The following PTPRO variants were observed in gnomAD, a reference collection of about 807,000 sequenced individuals.
PTPRO encodes the protein protein tyrosine phosphatase receptor type O, also known as receptor-type tyrosine-protein phosphatase O.
In PTPRO, 62 loss-of-function variants were observed where a neutral mutation model predicts 145.2. The observed-to-expected ratio is 0.43, with a 90% CI of 0.35 to 0.53. The LOEUF (loss-of-function observed/expected upper bound fraction) is 0.53. Among genes scored for constraint, PTPRO ranks in the 20% least tolerant of loss-of-function variants. The pLI is 0.01. For synonymous variants in PTPRO, 565 were observed against 514.7 expected (o/e 1.10, Z -1.32); for missense variants, 1,345 against 1,482.7 (o/e 0.91, Z 1.53).
intron 19 of PTPRO, among the ~76,000 whole-genome samples, chr12:15,572,505 T>G (rs1944077354): frequency 6.6e-6 from 1 of 152,266 alleles, no homozygotes; most frequent in Non-Finnish European, 1.5e-5. Flanking sequence ...TCATTTGTGT[T>G]ATTTCATTTT....
intron 2 of PTPRO, among the ~76,000 whole-genome samples, chr12:15,494,997 T>C (rs1942071819): frequency 6.6e-6 from 1 of 151,986 alleles, no homozygotes; most frequent in South Asian, 2.1e-4. Flanking sequence ...AAAAAAGAAC[T>C]TGAAGCAGTT....
Position 15,360,858 on chromosome 12 carries a change from G to A in PTPRO, c.75+38057G>A, listed in dbSNP as rs868011666. On this transcript the variant is annotated intron_variant, in intron 1 of 26. Coordinates refer to ENST00000281171, the MANE Select transcript of PTPRO (RefSeq NM_030667.3). ...TATATACGTGTGTATATATGTGTGTGTATATATGTGTGTATATACACACAT... is the reference window on the plus strand; with the variant it reads ...TATATACGTGTGTATATATGTGTGTATATATATGTGTGTATATACACACAT... Among the ~76,000 whole-genome samples the A allele has an allele frequency of 8.9e-4, 96 of 108,012 alleles. 3 individuals carry two copies. Among genetic ancestry groups the A allele is most frequent in the Middle Eastern group, 5.1e-3 (1 of 196 alleles). 70.9% of individuals were successfully genotyped at this position (108,012 alleles called of 152,430 possible).
chr12:15,514,590 G>A (rs1022407008), intron 7 of PTPRO, among the ~76,000 whole-genome samples: 26 of 151,910 alleles, frequency 1.7e-4, no homozygotes, highest in African/African-American at 6.0e-4. Context: ...TTAGCACAGT[G>A]ACTTGCCCAT....
At chr12:15,473,702 G>A (rs550369059) in intron 1 of PTPRO, among the ~76,000 whole-genome samples, 1 of 146,958 alleles carries the variant, frequency 6.8e-6, no homozygotes, top group Non-Finnish European at 1.5e-5. Context: ...AGGAGACAGA[G>A]GTTGCAGTGA....
chr12:15,366,260 A>G (rs185562849), intron 1 of PTPRO, among the ~76,000 whole-genome samples: 4 of 152,276 alleles, frequency 2.6e-5, no homozygotes, highest in Admixed American at 2.0e-4. Flanking sequence ...TGTTAGCCTA[A>G]TCTTTACTAT....
intron 24 of PTPRO, 154 bp downstream of exon 24, chr12:15,587,205 C>T (rs1479448412): frequency 7.2e-6 from 6 of 830,494 alleles, no homozygotes; most frequent in Non-Finnish European, 1.1e-5. Flanking sequence ...TCACTATATA[C>T]AATGTTTATT....
chr12:15,515,750 C>A, intron 8 of PTPRO, 132 bp downstream of exon 8: 1 of 1,193,722 alleles, frequency 8.4e-7, no homozygotes. Flanking sequence ...ATGCTACCTT[C>A]AGAGTAATAA....
At chr12:15,447,296 A>G (rs904959765) in intron 1 of PTPRO, among the ~76,000 whole-genome samples, 22 of 152,214 alleles carry the variant, frequency 1.4e-4, no homozygotes, top group South Asian at 2.1e-4. Context: ...AAGCTCCAAA[A>G]TTGTGCTTAA....
intron 1 of PTPRO, among the ~76,000 whole-genome samples, chr12:15,456,165 A>C (rs1402353860): frequency 1.3e-5 from 2 of 152,146 alleles, no homozygotes; most frequent in African/African-American, 2.4e-5. Flanking sequence ...ACTTGTTTAG[A>C]ATTTTTATCA....
chr12:15,403,770 G>A (rs954995268), intron 1 of PTPRO, among the ~76,000 whole-genome samples: 1 of 151,580 alleles, frequency 6.6e-6, no homozygotes, highest in African/African-American at 2.4e-5. Flanking sequence ...TTTTTATTTT[G>A]TTTACCTGAT....
chr12:15,399,663 A>G (rs1939435236), intron 1 of PTPRO, among the ~76,000 whole-genome samples: 1 of 152,136 alleles, frequency 6.6e-6, no homozygotes, highest in Admixed American at 6.5e-5. Context: ...ATCTTGTGTC[A>G]TAGAAAAACA....
intron 25 of PTPRO, among the ~76,000 whole-genome samples, chr12:15,594,084 T>A (rs147225387): frequency 6.6e-6 from 1 of 152,274 alleles, no homozygotes; most frequent in East Asian, 1.9e-4. Flanking sequence ...ATCACAAAAA[T>A]AAAGGCATCA....
intron 1 of PTPRO, among the ~76,000 whole-genome samples, chr12:15,408,690 AGTGCTGGGATTACAGGC>A (rs1367331009): frequency 6.6e-6 from 1 of 152,188 alleles, no homozygotes; most frequent in African/African-American, 2.4e-5. Context: ...GCCCTCCCAA[AGTGCTGGGATTACAGGC>A]GTGAGCCACC....
chr12:15,325,455 A>G (rs988838829), intron 1 of PTPRO, among the ~76,000 whole-genome samples: 1 of 152,248 alleles, frequency 6.6e-6, no homozygotes, highest in Non-Finnish European at 1.5e-5. Flanking sequence ...TTCACTGCAC[A>G]TTATGAAGCT....
At chr12:15,447,234 TG>T (rs112783036) in intron 1 of PTPRO, among the ~76,000 whole-genome samples, 3 of 151,896 alleles carry the variant, frequency 2.0e-5, no homozygotes, top group Non-Finnish European at 4.4e-5. Context: ...ATGGATTTCA[TG>T]GGGGGGAGGG....
At chr12:15,454,147 C>T (rs921786021) in intron 1 of PTPRO, among the ~76,000 whole-genome samples, 1 of 152,020 alleles carries the variant, frequency 6.6e-6, no homozygotes, top group African/African-American at 2.4e-5. Flanking sequence ...GTGTAGGTAC[C>T]TCCACATAGT....
chr12:15,430,645 A>G (rs142285211), intron 1 of PTPRO, among the ~76,000 whole-genome samples: 1 of 152,300 alleles, frequency 6.6e-6, no homozygotes, highest in Non-Finnish European at 1.5e-5. Flanking sequence ...AATAAGTTCA[A>G]GAGATCTATT....
intron 1 of PTPRO, among the ~76,000 whole-genome samples, chr12:15,413,261 T>G (rs1422038862): frequency 6.6e-6 from 1 of 152,212 alleles, no homozygotes; most frequent in African/African-American, 2.4e-5. Flanking sequence ...CAGCTAATTT[T>G]TTTGTGTGTA....
At chr12:15,471,993 A>C (rs1379013339) in intron 1 of PTPRO, among the ~76,000 whole-genome samples, 1 of 152,230 alleles carries the variant, frequency 6.6e-6, no homozygotes, top group East Asian at 1.9e-4. Flanking sequence ...CAGGATGTTT[A>C]GTGGATGCAT....
Sources: gnomAD v4.1 joint callset for allele counts (sites outside exome capture counted in the v4.1 genomes callset) on GRCh38, gnomAD v4.1.1 for gene constraint, MANE v1.5 for transcripts, NCBI Gene and HGNC (gene_info 2026-07-23, HGNC 2026-07-21) for gene names.